CPSF4: variants seen among roughly 807,000 people sequenced by gnomAD.
The protein encoded by CPSF4 is cleavage and polyadenylation specific factor 4.
CPSF4 carries 11 observed loss-of-function variants against 37.7 expected under a neutral mutation model. That is an observed-to-expected ratio of 0.29 (90% confidence interval 0.18 to 0.48). CPSF4 has a LOEUF of 0.48. CPSF4 is among the 20% of genes least tolerant of loss of function. CPSF4 has a pLI of 0.99. For synonymous variants in CPSF4, 132 were observed against 135.9 expected (o/e 0.97, Z 0.20); for missense variants, 144 against 359.5 (o/e 0.40, Z 4.85).
Position 99,441,301 on chromosome 7 carries a change from G to A in CPSF4, c.103+2116G>A, listed in dbSNP as rs1254713451. The A allele has an allele frequency of 3.1e-5, 13 of 421,820 alleles. No homozygotes were observed. The East Asian group carries it at 3.5e-4, about 12-fold the overall frequency. 26.1% of individuals were successfully genotyped at this position (421,820 alleles called of 1,614,324 possible). ...AGCTTGAGACCATGGAACCACCCAC[G>A]CAGGGCAGCTCTTTTCCTCCCACCC... On this transcript the variant is annotated intron_variant, in intron 1 of 7. Coordinates refer to ENST00000292476, the MANE Select transcript of CPSF4 (RefSeq NM_006693.4).
At chr7:99,451,441 C>T (rs1156855979) in intron 5 of CPSF4, among the ~76,000 whole-genome samples, 1 of 152,184 alleles carries the variant, frequency 6.6e-6, no homozygotes, top group Non-Finnish European at 1.5e-5. Context: ...CCCGTCTCTA[C>T]TAAAAATACA....
chr7:99,441,374 C>T (rs909434626), intron 1 of CPSF4: 4 of 455,840 alleles, frequency 8.8e-6, no homozygotes, highest in Admixed American at 2.4e-5. Context: ...GGTACAGTGG[C>T]GAGGGGCCCA....
chr7:99,440,373 CAG>C (rs1000236639), intron 1 of CPSF4, among the ~76,000 whole-genome samples: 1 of 151,966 alleles, frequency 6.6e-6, no homozygotes, highest in African/African-American at 2.4e-5. Flanking sequence ...GCTTTTGAGA[CAG>C]GGGCCCCTCT....
rs771030244 is a variant in CPSF4 at position 99,456,539 on chromosome 7, G to A, written c.*39G>A. ...CAGCTCCGAGCAGCCCGGGGGCCCC[G>A]CTGTTGGGAGTGTGCATTTAACTGT... On this transcript the variant is annotated 3_prime_UTR_variant, in exon 8 of 8. Transcript: ENST00000292476. 2.4e-5 allele frequency: 38 copies of A among 1,558,274 alleles called. No individual in the cohort carries two copies. Among genetic ancestry groups the A allele is most frequent in the Middle Eastern group, 1.7e-4 (1 of 6,018 alleles).
chr7:99,444,114 T>A (rs1204727534), intron 1 of CPSF4, among the ~76,000 whole-genome samples: 1 of 152,150 alleles, frequency 6.6e-6, no homozygotes, highest in Non-Finnish European at 1.5e-5. Context: ...TGTTAAGGTA[T>A]CTGTGAATTC....
rs1797724047 is a variant in CPSF4, at chr7:99,448,706, T to TA, written c.307+434dup. On this transcript the variant is annotated intron_variant, in intron 3 of 7. Coordinates refer to ENST00000292476, the MANE Select transcript of CPSF4 (RefSeq NM_006693.4). This position sits in a 1 kb window ranked among gnomAD's most constrained non-coding sequence, Gnocchi z 4.4. ...CAGCGAGTTGTGCAGCTGGCTGCAT[T>TA]ATGTCCGTGGTTGGTTTCTGTCCAC... The TA allele has an allele frequency of 1.9e-5, 3 of 157,802 alleles. No individual in the cohort carries two copies. The South Asian group carries it at 5.5e-4, about 29-fold the overall frequency. 9.8% of individuals were successfully genotyped at this position (157,802 alleles called of 1,614,324 possible).
chr7:99,453,873 G>A lies in CPSF4; in HGVS notation c.571-93G>A, dbSNP rs138439308. 51 of 1,242,240 alleles carry A rather than the reference G, an allele frequency of 4.1e-5. No homozygotes were observed. The highest frequency in any genetic ancestry group is 2.8e-4 in the African/African-American group (19 of 66,688). The allele number at this position is 1,242,240 out of a possible 1,614,324, so 77.0% of individuals were successfully genotyped here. A position where few individuals can be genotyped will look rare whatever the true frequency, so the allele number is the denominator to read the frequency against. On this transcript the variant is annotated intron_variant, in intron 6 of 7. Transcript: ENST00000292476. The surrounding 1 kb of genome is among the most constrained non-coding windows in gnomAD (Gnocchi z 4.7). Reference sequence around the variant, plus strand: ...GGAAGCCCTGCTTCCTGCCGTTTGCGGGACGAGTCCCGCCCTCTTTTTTCC... The same window carrying A: ...GGAAGCCCTGCTTCCTGCCGTTTGCAGGACGAGTCCCGCCCTCTTTTTTCC...
intron 5 of CPSF4, among the ~76,000 whole-genome samples, chr7:99,451,394 CAG>C (rs1418848714): frequency 2.6e-5 from 4 of 152,188 alleles, no homozygotes; most frequent in Non-Finnish European, 5.9e-5. Context: ...ATCACGAGGT[CAG>C]GAGTTCGAGA....
rs1798185847 is a variant in CPSF4, at chr7:99,454,743, AAACT to A, written c.741+610_741+613del. Among the ~76,000 whole-genome samples the A allele has an allele frequency of 2.0e-5, 3 of 152,178 alleles. No individual in the cohort carries two copies. The South Asian group carries it at 6.2e-4, about 31-fold the overall frequency. The stretch of plus-strand genomic sequence containing the variant: ...TCCTTGGTTAAGGCTGGAAAGTTAC[AAACT>A]AAGTTTTCTAATCTAAAATCGCCCC... On this transcript the variant is annotated intron_variant, in intron 7 of 7. Coordinates refer to ENST00000292476, the MANE Select transcript of CPSF4 (RefSeq NM_006693.4).
At chr7:99,454,544 A>T (rs1206330309) in intron 7 of CPSF4, among the ~76,000 whole-genome samples, 3 of 152,090 alleles carry the variant, frequency 2.0e-5, no homozygotes, top group Non-Finnish European at 4.4e-5. Flanking sequence ...CCCTGTCCCC[A>T]TCCCCTCCCC....
intron 5 of CPSF4, among the ~76,000 whole-genome samples, chr7:99,452,157 T>C (rs980598349): frequency 2.6e-5 from 4 of 152,052 alleles, no homozygotes; most frequent in Non-Finnish European, 5.9e-5. Flanking sequence ...AAGTCAGTTC[T>C]GTTCTCCCCG....
intron 3 of CPSF4, among the ~76,000 whole-genome samples, chr7:99,450,003 G>A (rs45509891): frequency 8.7e-4 from 132 of 152,306 alleles, no homozygotes; most frequent in African/African-American, 3.0e-3. Flanking sequence ...GGGGTCCGCT[G>A]CTTTGGAGAG....
intron 1 of CPSF4, among the ~76,000 whole-genome samples, chr7:99,442,334 TTTTTC>T (rs1378782392): frequency 2.0e-5 from 3 of 152,060 alleles, no homozygotes; most frequent in South Asian, 2.1e-4. Context: ...CTGTGCTTTT[TTTTTC>T]TTTTCTTTTC....
rs1218450546 is a variant in CPSF4, at chr7:99,456,721, T to C, written c.*221T>C. On this transcript the variant is annotated 3_prime_UTR_variant, in exon 8 of 8. Coordinates refer to ENST00000292476, the MANE Select transcript of CPSF4 (RefSeq NM_006693.4). ...CTGTGGGTCCCTGCAGTCGACATCA[T>C]GTTTGGCTGGGCATCGATGCCTCCT... 4.8e-6 allele frequency: 3 copies of C among 619,018 alleles called. No homozygotes were observed. The highest frequency in any genetic ancestry group is 2.3e-5 in the Admixed American group (1 of 43,708). The allele number at this position is 619,018 out of a possible 1,614,324, so 38.3% of individuals were successfully genotyped here.
At chr7:99,454,508 G>A (rs1346021691) in intron 7 of CPSF4, among the ~76,000 whole-genome samples, 1 of 152,182 alleles carries the variant, frequency 6.6e-6, no homozygotes, top group African/African-American at 2.4e-5. Flanking sequence ...GCACACCCGA[G>A]AAAACAGGAC....
At chr7:99,439,280 C>G in intron 1 of CPSF4, 95 bp downstream of exon 1, 1 of 862,184 alleles carries the variant, frequency 1.2e-6, no homozygotes. Context: ...GTCCTGAGAC[C>G]TCCCCCGGCT....
Position 99,448,929 on chromosome 7 carries a change from C to T in CPSF4, c.307+656C>T, listed in dbSNP as rs1369829507. 1 of 152,590 alleles carries T rather than the reference C, an allele frequency of 6.6e-6. No homozygotes were observed. Among genetic ancestry groups the T allele is most frequent in the African/African-American group, 2.4e-5 (1 of 41,472 alleles). 9.5% of individuals were successfully genotyped at this position (152,590 alleles called of 1,614,324 possible). The stretch of plus-strand genomic sequence containing the variant: ...GAGCCCTGCTTAGAGAATGCGTGGC[C>T]TCAGCTGTCCTGAGTGGCCTGCGTG... On this transcript the variant is annotated intron_variant, in intron 3 of 7. Transcript: ENST00000292476. The surrounding 1 kb of genome is among the most constrained non-coding windows in gnomAD (Gnocchi z 4.4).
chr7:99,440,674 A>ATATATATATATATT, intron 1 of CPSF4, among the ~76,000 whole-genome samples: 1 of 88,128 alleles, frequency 1.1e-5, no homozygotes, highest in African/African-American at 9.7e-5. Context: ...ATATATATAT[A>ATATATATATATATT]TTTTTTTTTT....
chr7:99,442,375 G>A (rs1306855077), intron 1 of CPSF4, among the ~76,000 whole-genome samples: 2 of 151,200 alleles, frequency 1.3e-5, no homozygotes, highest in Non-Finnish European at 2.9e-5. Flanking sequence ...CAACATAATC[G>A]GCCGGGCGTT....
Sources: gnomAD v4.1 joint callset for allele counts (sites outside exome capture counted in the v4.1 genomes callset) on GRCh38, gnomAD v4.1.1 for gene constraint, Gnocchi (gnomAD v3.1) non-coding constraint, MANE v1.5 for transcripts, NCBI Gene and HGNC (gene_info 2026-07-23, HGNC 2026-07-21) for gene names.